NT5C2: variants seen among roughly 807,000 people sequenced by gnomAD.
NT5C2 encodes cytosolic purine 5'-nucleotidase.
In NT5C2, 58 loss-of-function variants were observed where a neutral mutation model predicts 76.1. The ratio of observed to expected loss-of-function variants is 0.76; its 90% CI spans 0.62 to 0.95. The LOEUF is 0.95. Among genes scored for constraint, NT5C2 ranks in the 40% least tolerant of loss-of-function variants. NT5C2 has a pLI of 0.00. For synonymous variants in NT5C2, 229 were observed against 237.4 expected, an observed-to-expected ratio of 0.96 and a Z score of 0.32; for missense variants, 478 against 690.3, an observed-to-expected ratio of 0.69 and a Z score of 3.45.
At chr10:103,113,524 C>G (rs942579514) in intron 4 of NT5C2, among the ~76,000 whole-genome samples, 7 of 151,570 alleles carry the variant, frequency 4.6e-5, no homozygotes, top group African/African-American at 1.7e-4. Flanking sequence ...AAAAACAGAT[C>G]ACAGCACTCA....
chr10:103,135,736 T>A (rs147351091), intron 4 of NT5C2, among the ~76,000 whole-genome samples: 1,734 of 143,750 alleles, frequency 0.012, 20 homozygotes, highest in Middle Eastern at 0.026. Flanking sequence ...TGCAATGAGC[T>A]GAGATCGCAC....
Position 103,129,278 on chromosome 10 carries a change from C to T in NT5C2, c.175+10128G>A, listed in dbSNP as rs1344874141. ...GGGGTCAGCCCCCCACCCGGCCAGC[C>T]GCCCCGTCCGGGAGGGAGGTGGGGG... On this transcript the variant is annotated intron_variant, in intron 4 of 18. Transcript: ENST00000404739. Among the ~76,000 whole-genome samples the T allele has an allele frequency of 6.8e-5, 8 of 117,728 alleles. 1 individual carries two copies. The highest frequency in any genetic ancestry group is 1.5e-4 in the Non-Finnish European group (8 of 53,098). 77.2% of individuals were successfully genotyped at this position (117,728 alleles called of 152,430 possible). A position where few individuals can be genotyped will look rare whatever the true frequency, so the allele number is the denominator to read the frequency against.
At chr10:103,169,070 CAT>C (rs1208510291) in intron 3 of NT5C2, among the ~76,000 whole-genome samples, 1 of 151,996 alleles carries the variant, frequency 6.6e-6, no homozygotes, top group African/African-American at 2.4e-5. Flanking sequence ...CTGATGACTA[CAT>C]CATGATGAGT....
intron 15 of NT5C2, among the ~76,000 whole-genome samples, chr10:103,091,921 T>C (rs2067015369): frequency 6.6e-6 from 1 of 152,242 alleles, no homozygotes; most frequent in Non-Finnish European, 1.5e-5. Context: ...AGAATTTACA[T>C]GCTGTCTCAG....
chr10:103,137,266 A>G (rs921059308), intron 4 of NT5C2, among the ~76,000 whole-genome samples: 1 of 152,218 alleles, frequency 6.6e-6, no homozygotes, highest in African/African-American at 2.4e-5. Flanking sequence ...GGGAAAGTAT[A>G]CTGCTTTCCC....
intron 4 of NT5C2, among the ~76,000 whole-genome samples, chr10:103,112,447 TAGTA>T (rs1243551442): frequency 6.6e-6 from 1 of 152,190 alleles, no homozygotes; most frequent in Non-Finnish European, 1.5e-5. Flanking sequence ...AATCTGCCCT[TAGTA>T]AGCCAATTTA....
At position 103,090,617 on chromosome 10, in the gene NT5C2, A is replaced by C; in HGVS notation, c.1443T>G (p.His481Gln). 6.2e-7 allele frequency: 1 copy of C among 1,613,134 alleles called. No homozygotes were observed. Among genetic ancestry groups the C allele is most frequent in the Non-Finnish European group, 8.5e-7 (1 of 1,179,504 alleles). ...YPFSYLFRAA[H>Q]VLMPHESTVE... ...CATTACAGCTTTAACTCACCAAGAC[A>C]TGGGCAGCCCTGAAGAGGTAGCTGA... The change falls in exon 18 of 19, where the codon CAT (histidine) becomes CAG (glutamine). Residue 481 changes from histidine (H) to glutamine (Q), a missense_variant. By Grantham distance (24) the His-to-Gln change is conservative. Coordinates refer to ENST00000404739, the MANE Select transcript of NT5C2 (RefSeq NM_001351169.2).
chr10:103,153,355 T>G (rs865793090), intron 3 of NT5C2: 1 of 1,268,416 alleles, frequency 7.9e-7, no homozygotes, highest in Non-Finnish European at 1.0e-6. Flanking sequence ...ACAAACAAGC[T>G]TCACTGATCT....
intron 3 of NT5C2, among the ~76,000 whole-genome samples, chr10:103,140,939 A>G (rs980310192): frequency 6.6e-6 from 1 of 152,150 alleles, no homozygotes; most frequent in Admixed American, 6.5e-5. Context: ...TAACAGATAC[A>G]TGGTTCGCAA....
intron 4 of NT5C2, among the ~76,000 whole-genome samples, chr10:103,133,871 C>T (rs370905513): frequency 1.3e-5 from 2 of 152,120 alleles, no homozygotes; most frequent in South Asian, 2.1e-4. Context: ...AAATGAGGAA[C>T]TTATTGGGAG....
chr10:103,153,627 T>C, intron 3 of NT5C2: 2 of 985,370 alleles, frequency 2.0e-6, no homozygotes, highest in Non-Finnish European at 2.4e-6. Flanking sequence ...ACAGGAATCG[T>C]TACTGGCAAA....
chr10:103,136,605 T>C (rs2079301620), intron 4 of NT5C2, among the ~76,000 whole-genome samples: 1 of 151,532 alleles, frequency 6.6e-6, no homozygotes, highest in South Asian at 2.1e-4. Context: ...CATTAAAGTT[T>C]AGAGACAGAT....
chr10:103,155,414 A>C (rs1247702177), intron 3 of NT5C2, among the ~76,000 whole-genome samples: 2 of 152,250 alleles, frequency 1.3e-5, no homozygotes, highest in Non-Finnish European at 2.9e-5. Context: ...TAAAATTTAC[A>C]AAACTTAAAT....
chr10:103,119,458 T>C (rs1376767524), intron 4 of NT5C2, among the ~76,000 whole-genome samples: 1 of 152,194 alleles, frequency 6.6e-6, no homozygotes, highest in Non-Finnish European at 1.5e-5. Context: ...CTTGCACATA[T>C]AATCTGGAAG....
chr10:103,115,189 T>C (rs765238866), intron 4 of NT5C2, among the ~76,000 whole-genome samples: 7 of 152,156 alleles, frequency 4.6e-5, no homozygotes, highest in Non-Finnish European at 8.8e-5. Context: ...CTACCTGAGC[T>C]CAGGAGTTCC....
At chr10:103,127,531 A>G (rs1242932676) in intron 4 of NT5C2, among the ~76,000 whole-genome samples, 1 of 152,236 alleles carries the variant, frequency 6.6e-6, no homozygotes. Context: ...ACTATGTGAC[A>G]CACTTCATTG....
intron 4 of NT5C2, among the ~76,000 whole-genome samples, chr10:103,121,035 A>C (rs1156309347): frequency 6.6e-6 from 1 of 152,232 alleles, no homozygotes; most frequent in Non-Finnish European, 1.5e-5. Flanking sequence ...ACACAAAACA[A>C]GTATTGTATA....
At chr10:103,149,138 A>G (rs746076669) in intron 3 of NT5C2, among the ~76,000 whole-genome samples, 2 of 152,118 alleles carry the variant, frequency 1.3e-5, no homozygotes, top group African/African-American at 2.4e-5. Context: ...AGGATGGTTG[A>G]TATTTTCCCC....
At chr10:103,143,725 G>A (rs2080996291) in intron 3 of NT5C2, among the ~76,000 whole-genome samples, 1 of 150,742 alleles carries the variant, frequency 6.6e-6, no homozygotes, top group African/African-American at 2.4e-5. Context: ...GGAGGCCAAG[G>A]TGGGAGGACT....
Sources: allele counts gnomAD v4.1 joint callset (sites outside exome capture counted in the v4.1 genomes callset), GRCh38; gene constraint gnomAD v4.1.1; transcripts MANE v1.5; gene names NCBI Gene and HGNC (gene_info 2026-07-23, HGNC 2026-07-21).